PRELID2: variants seen among roughly 807,000 people sequenced by gnomAD.
PRELID2 encodes PRELI domain-containing protein 2.
Under a neutral mutation model 28.4 loss-of-function variants are expected in PRELID2, and 25 were observed. The ratio of observed to expected loss-of-function variants is 0.88; its 90% CI spans 0.64 to 1.23. The LOEUF (loss-of-function observed/expected upper bound fraction) is 1.23, where lower values mean the gene tolerates loss of function less well. PRELID2 is among the 50% of genes most tolerant of loss of function. The probability of loss-of-function intolerance (pLI) is 0.00; values close to 1 mark genes in which losing one functional copy is unlikely to be tolerated. For missense variants in PRELID2, 201 were observed against 214.4 expected, an observed-to-expected ratio of 0.94 and a Z score of 0.39; for synonymous variants, 76 against 71.6, an observed-to-expected ratio of 1.06 and a Z score of -0.31.
intron 6 of PRELID2, among the ~76,000 whole-genome samples, chr5:145,761,192 G>A (rs534496420): frequency 2.6e-5 from 4 of 152,112 alleles, no homozygotes; most frequent in South Asian, 2.1e-4. Flanking sequence ...CCCACAAAAC[G>A]TCTTTTAAGT....
At chr5:145,690,918 A>C (rs1221414980) in intron 1 of PRELID2, among the ~76,000 whole-genome samples, 3 of 152,178 alleles carry the variant, frequency 2.0e-5, no homozygotes, top group African/African-American at 7.2e-5. Context: ...TAGCAATCAA[A>C]GAAATGCAAA....
chr5:145,832,487 C>A (rs1003198355), intron 1 of PRELID2, among the ~76,000 whole-genome samples: 2 of 152,058 alleles, frequency 1.3e-5, no homozygotes, highest in Non-Finnish European at 2.9e-5. Flanking sequence ...GCCCAGCCGG[C>A]AAAGTTGATT....
At chr5:145,387,238 A>T in the PRELID2 span, among the ~76,000 whole-genome samples, 2 of 152,112 alleles carry the variant, frequency 1.3e-5, no homozygotes, top group Non-Finnish European at 2.9e-5. Context: ...ATTTTTTTAA[A>T]TAGGAATGTA....
At chr5:145,433,228 A>G in the PRELID2 span, among the ~76,000 whole-genome samples, 1 of 152,208 alleles carries the variant, frequency 6.6e-6, no homozygotes. Flanking sequence ...GGAAAAGATC[A>G]GATCCTCCCT....
chr5:145,257,193 AGT>A, the PRELID2 span, among the ~76,000 whole-genome samples: 61 of 151,466 alleles, frequency 4.0e-4, 1 homozygote, highest in Non-Finnish European at 1.9e-4. Flanking sequence ...TGTGGTTTAG[AGT>A]GTGTGTAAAA....
At chr5:145,623,344 A>G (rs1018662054) in intron 1 of PRELID2, among the ~76,000 whole-genome samples, 2 of 152,046 alleles carry the variant, frequency 1.3e-5, no homozygotes, top group Non-Finnish European at 2.9e-5. Context: ...GCTACTCGGG[A>G]GGCTGAGACA....
At chr5:145,335,324 T>C in the PRELID2 span, among the ~76,000 whole-genome samples, 1 of 152,034 alleles carries the variant, frequency 6.6e-6, no homozygotes, top group Non-Finnish European at 1.5e-5. Flanking sequence ...TTTAATCATT[T>C]ATATCTCTTT....
chr5:145,467,921 TA>T (rs201115857), downstream of PRELID2, among the ~76,000 whole-genome samples: 2,165 of 151,922 alleles, frequency 0.014, 29 homozygotes, highest in African/African-American at 0.035. Context: ...TTTATATATA[TA>T]TTTTTTTATT....
chr5:145,302,695 T>C, the PRELID2 span, among the ~76,000 whole-genome samples: 5 of 152,046 alleles, frequency 3.3e-5, no homozygotes, highest in Non-Finnish European at 5.9e-5. Flanking sequence ...AGTATTAATA[T>C]ATTTGGTCTC....
chr5:145,700,044 A>G (rs1755371208), intron 1 of PRELID2, among the ~76,000 whole-genome samples: 1 of 152,154 alleles, frequency 6.6e-6, no homozygotes, highest in South Asian at 2.1e-4. Flanking sequence ...GCACAGTCAC[A>G]TATCTCTCTG....
At chr5:145,288,910 G>A in the PRELID2 span, among the ~76,000 whole-genome samples, 7 of 151,972 alleles carry the variant, frequency 4.6e-5, no homozygotes, top group Admixed American at 1.3e-4. Flanking sequence ...TACATGTATG[G>A]CAATATCATA....
chr5:145,282,548 C>A, the PRELID2 span, among the ~76,000 whole-genome samples: 2 of 146,670 alleles, frequency 1.4e-5, no homozygotes, highest in Non-Finnish European at 3.0e-5. Context: ...GAGACGGAGT[C>A]TTGTTCAGCT....
intron 1 of PRELID2, among the ~76,000 whole-genome samples, chr5:145,496,637 C>G (rs1036454022): frequency 6.6e-6 from 1 of 152,100 alleles, no homozygotes; most frequent in Non-Finnish European, 1.5e-5. Context: ...GCCTGAATAG[C>G]CTACTCTTGC....
At chr5:145,834,394 AG>A (rs1284990226) in intron 1 of PRELID2, among the ~76,000 whole-genome samples, 1 of 152,198 alleles carries the variant, frequency 6.6e-6, no homozygotes, top group Non-Finnish European at 1.5e-5. Flanking sequence ...TGTGATACAA[AG>A]AACAATGTAC....
Position 145,739,420 on chromosome 5 carries a change from G to A in PRELID2, n.70+25511C>T, listed in dbSNP as rs545658088. Among the ~76,000 whole-genome samples the A allele has an allele frequency of 3.9e-4, 60 of 152,194 alleles. 1 individual carries two copies. The South Asian group carries it at 8.5e-3, about 22-fold the overall frequency. ...CTCGGGAGGGTAAGGCAGGAGAAGC[G>A]CTTGAACCTGGGAGGTGGAGGTTGC... On this transcript the variant is annotated intron_variant and non_coding_transcript_variant, in intron 1 of 2. Coordinates refer to the PRELID2 transcript ENST00000510259.
chr5:145,504,851 C>G (rs891127857), intron 1 of PRELID2, among the ~76,000 whole-genome samples: 1 of 152,072 alleles, frequency 6.6e-6, no homozygotes, highest in African/African-American at 2.4e-5. Flanking sequence ...ACCTAGTTTC[C>G]TGGGATGGTG....
chr5:145,661,691 A>T (rs886918897), intron 1 of PRELID2, among the ~76,000 whole-genome samples: 1 of 136,886 alleles, frequency 7.3e-6, no homozygotes. Flanking sequence ...AAAAAAAAAC[A>T]TGTTATGCTT....
chr5:145,356,525 C>A, the PRELID2 span, among the ~76,000 whole-genome samples: 1 of 151,312 alleles, frequency 6.6e-6, no homozygotes, highest in Non-Finnish European at 1.5e-5. Flanking sequence ...TTCTGTAATA[C>A]CTTTGTCTTT....
At chr5:145,466,356 G>T in the PRELID2 span, among the ~76,000 whole-genome samples, 2 of 151,974 alleles carry the variant, frequency 1.3e-5, no homozygotes, top group Admixed American at 1.3e-4. Context: ...AAAAACAGGT[G>T]GCTTTGTGAC....
Sources: gnomAD v4.1 joint callset for allele counts (sites outside exome capture counted in the v4.1 genomes callset) on GRCh38, gnomAD v4.1.1 for gene constraint, MANE v1.5 for transcripts, NCBI Gene and HGNC (gene_info 2026-07-23, HGNC 2026-07-21) for gene names.